ATP11B: variants seen among roughly 807,000 people sequenced by gnomAD.
The protein encoded by ATP11B is ATPase phospholipid transporting 11B (putative).
In ATP11B, 81 loss-of-function variants were observed where a neutral mutation model predicts 157.8. That is an observed-to-expected ratio of 0.51 (90% CI 0.43 to 0.62). The LOEUF (loss-of-function observed/expected upper bound fraction) is 0.62, where lower values mean the gene tolerates loss of function less well. ATP11B is among the 20% of genes least tolerant of loss of function. The pLI is 0.00. For synonymous variants in ATP11B, 451 were observed against 469.4 expected (o/e 0.96, Z 0.51); for missense variants, 1,165 against 1,402.2 (o/e 0.83, Z 2.70).
At chr3:182,851,914 A>G (rs1230690916) in intron 10 of ATP11B, among the ~76,000 whole-genome samples, 3 of 152,236 alleles carry the variant, frequency 2.0e-5, no homozygotes, top group Admixed American at 6.5e-5. Context: ...TACAGTTTAC[A>G]TACAAAGATA....
At chr3:182,799,648 G>C (rs1263927480) in intron 1 of ATP11B, among the ~76,000 whole-genome samples, 1 of 151,920 alleles carries the variant, frequency 6.6e-6, no homozygotes, top group Non-Finnish European at 1.5e-5. Flanking sequence ...CATTTTTATT[G>C]TTTAATTTTA....
chr3:182,863,717 A>G (rs1721024644), intron 12 of ATP11B, among the ~76,000 whole-genome samples: 1 of 151,916 alleles, frequency 6.6e-6, no homozygotes, highest in Non-Finnish European at 1.5e-5. Context: ...ATATATATAT[A>G]TATACTTTTA....
chr3:182,832,676 C>T (rs867765326), intron 4 of ATP11B, among the ~76,000 whole-genome samples: 2 of 152,138 alleles, frequency 1.3e-5, no homozygotes, highest in African/African-American at 4.8e-5. Flanking sequence ...CAGTTGTTTG[C>T]TTGTTTTTAG....
At chr3:182,910,302 T>C (rs1268396177) in intron 28 of ATP11B, among the ~76,000 whole-genome samples, 1 of 151,388 alleles carries the variant, frequency 6.6e-6, no homozygotes, top group Non-Finnish European at 1.5e-5. Flanking sequence ...ATGGCCAGGC[T>C]CAGTAGCTCA....
At chr3:182,848,346 C>G in intron 9 of ATP11B, 130 bp from the exon 10 acceptor site, 1 of 464,896 alleles carries the variant, frequency 2.2e-6, no homozygotes, top group East Asian at 4.2e-5. Flanking sequence ...TCTGAAAATA[C>G]TTAAAGAAAA....
rs1283482693 is a variant in ATP11B, at chr3:182,857,919, T to C, written c.893T>C (p.Ile298Thr). Residue 298 changes from isoleucine to threonine, a missense_variant, in exon 11 of 30, where the codon ATA becomes ACA. Around this residue, in one of 4 missense-constraint regions of ATP11B, gnomAD observed 737 missense variants for 930.5 expected, o/e 0.79. Transcript: ENST00000323116. ...TTGATAATTTATCTAGTAATTCTTA[T>C]ATCTGAAGCTGTCATCAGCACTATC... is the stretch of plus-strand genomic sequence containing the variant. ...TFLIIYLVIL[I>T]SEAVISTILK... is the part of the protein sequence containing the mutation. 3 of 1,567,438 alleles carry C rather than the reference T, an allele frequency of 1.9e-6. No individual in the cohort carries two copies. Among genetic ancestry groups the C allele is most frequent in the East Asian group, 2.2e-5 (1 of 44,508 alleles).
At chr3:182,850,192 G>A (rs572929307) in intron 10 of ATP11B, among the ~76,000 whole-genome samples, 107 of 152,270 alleles carry the variant, frequency 7.0e-4, no homozygotes, top group African/African-American at 2.3e-3. Context: ...TCAACTCAAC[G>A]CTGAGCACGG....
intron 12 of ATP11B, among the ~76,000 whole-genome samples, chr3:182,861,207 A>AGTGT (rs1324063750): frequency 6.6e-6 from 1 of 151,828 alleles, no homozygotes; most frequent in Non-Finnish European, 1.5e-5. Context: ...CTGGGATTAC[A>AGTGT]GGCATGTGCC....
At chr3:182,811,035 TAAATA>T (rs1192264394) in intron 1 of ATP11B, among the ~76,000 whole-genome samples, 1 of 151,994 alleles carries the variant, frequency 6.6e-6, no homozygotes, top group African/African-American at 2.4e-5. Flanking sequence ...ACATTTATAT[TAAATA>T]AAATCTATTT....
At chr3:182,839,981 T>G (rs1041103334) in intron 7 of ATP11B, among the ~76,000 whole-genome samples, 2 of 152,144 alleles carry the variant, frequency 1.3e-5, no homozygotes, top group Admixed American at 1.3e-4. Flanking sequence ...TAGTGAACGG[T>G]ATTCTTGACC....
chr3:182,826,817 A>G (rs551170694), intron 2 of ATP11B, among the ~76,000 whole-genome samples: 1 of 152,284 alleles, frequency 6.6e-6, no homozygotes, highest in East Asian at 1.9e-4. Flanking sequence ...CATGTGGGAA[A>G]CAGTGTTTCA....
In ATP11B at chr3:182,918,097, C is replaced by A. The variant is rs912529732; in HGVS notation, c.3527C>A (p.Thr1176Asn). Reference sequence around the variant, plus strand: ...ACTCTCTCCACAATGGACTCATCTACTTGTTAAAGGGGCAGTAGTACTTTG... The same window carrying A: ...ACTCTCTCCACAATGGACTCATCTAATTGTTAAAGGGGCAGTAGTACTTTG... ...ILTLSTMDSS[T>N]C is the part of the protein sequence containing the mutation. The change falls in exon 30 of 30, where the codon ACT becomes AAT. Residue 1176 changes from threonine to asparagine, a missense_variant. This residue lies in a region of ATP11B where 303 missense variants were observed against 296.3 expected (regional missense o/e 1.02). Coordinates refer to ENST00000323116, the MANE Select transcript of ATP11B (RefSeq NM_014616.3). The A allele has an allele frequency of 9.3e-6, 15 of 1,613,018 alleles. No individual in the cohort carries two copies. Among genetic ancestry groups the A allele is most frequent in the African/African-American group, 1.3e-5 (1 of 74,876 alleles).
At chr3:182,906,649 C>T (rs1724373842) in intron 28 of ATP11B, among the ~76,000 whole-genome samples, 1 of 152,100 alleles carries the variant, frequency 6.6e-6, no homozygotes, top group African/African-American at 2.4e-5. Flanking sequence ...CTGGGTCTCG[C>T]CGTGTTGCAC....
At position 182,820,293 on chromosome 3, in the gene ATP11B, A is replaced by C. The variant is rs1335706826; in HGVS notation, c.61A>C (p.Thr21Pro). The C allele has an allele frequency of 1.9e-6, 3 of 1,614,022 alleles. No homozygotes were observed. The change falls in exon 2 of 30, where the codon ACC becomes CCC. Residue 21 changes from threonine to proline, a missense_variant. Around this residue, in one of 4 missense-constraint regions of ATP11B, gnomAD observed 91 missense variants for 95.8 expected, o/e 0.95. Coordinates refer to ENST00000323116, the MANE Select transcript of ATP11B (RefSeq NM_014616.3). ...FDPPHQSDTR[T>P]IYVANRFPQN... Reference sequence around the variant, plus strand: ...CCCACCACATCAGAGTGACACAAGAACCATCTACGTAGCCAACAGGTTTCC... The same window carrying C: ...CCCACCACATCAGAGTGACACAAGACCCATCTACGTAGCCAACAGGTTTCC...
chr3:182,797,315 A>G (rs1715680685), intron 1 of ATP11B, among the ~76,000 whole-genome samples: 1 of 152,238 alleles, frequency 6.6e-6, no homozygotes, highest in South Asian at 2.1e-4. Context: ...AAACAGATCT[A>G]TAAAACTGTG....
chr3:182,884,850 T>A lies in ATP11B; in HGVS notation c.2607T>A (p.His869Gln), dbSNP rs765541549. The A allele has an allele frequency of 6.4e-7, 1 of 1,566,008 alleles. No homozygotes were observed. The highest frequency in any genetic ancestry group is 1.1e-5 in the South Asian group (1 of 87,564). Residue 869 changes from histidine to glutamine, a missense_variant, in exon 22 of 30, where the codon CAT becomes CAA. His to Gln is a conservative substitution (Grantham distance 24). Around this residue, in one of 4 missense-constraint regions of ATP11B, gnomAD observed 737 missense variants for 930.5 expected, o/e 0.79. Transcript: ENST00000323116. ...FLSKLLFVHG[H>Q]FYYIRIATLV... is the part of the protein sequence containing the mutation. ...CCAAATTGCTTTTTGTTCATGGTCATTTTTATTATATTAGAATAGCTACCC... is the reference window on the plus strand; with the variant it reads ...CCAAATTGCTTTTTGTTCATGGTCAATTTTATTATATTAGAATAGCTACCC...
rs145392454 is a variant in ATP11B at position 182,817,793 on chromosome 3, CT to C, written c.28-2457del. Among the ~76,000 whole-genome samples the C allele has an allele frequency of 4.3e-3, 621 of 145,900 alleles. 5 individuals carry two copies. The highest frequency in any genetic ancestry group is 0.014 in the African/African-American group (572 of 40,176). On this transcript the variant is annotated intron_variant, in intron 1 of 29. Coordinates refer to ENST00000323116, the MANE Select transcript of ATP11B (RefSeq NM_014616.3). ...AGTTATCTTGCTGTTATTTTGGGTC[CT>C]TTTTTTTTTGTTTCTTAACTTTAGA...
chr3:182,794,107 G>T (rs577823098), intron 1 of ATP11B, among the ~76,000 whole-genome samples: 10 of 152,348 alleles, frequency 6.6e-5, no homozygotes, highest in Admixed American at 2.6e-4. Context: ...CGAGCGGGGT[G>T]GCGGTGCCCC....
chr3:182,851,251 ACTG>A (rs1719952925), intron 10 of ATP11B, among the ~76,000 whole-genome samples: 1 of 152,204 alleles, frequency 6.6e-6, no homozygotes, highest in Non-Finnish European at 1.5e-5. Flanking sequence ...AGATCGCACC[ACTG>A]AACTCCAGCC....
Sources: allele counts gnomAD v4.1 joint callset (sites outside exome capture counted in the v4.1 genomes callset), GRCh38; gene constraint gnomAD v4.1.1; regional missense constraint gnomAD v4.1.1; transcripts MANE v1.5; gene names NCBI Gene and HGNC (gene_info 2026-07-23, HGNC 2026-07-21).